Variants in UBA1 observed in about 807,000 individuals in gnomAD.
The protein encoded by UBA1 is ubiquitin like modifier activating enzyme 1.
In UBA1, 4 loss-of-function variants were observed where a neutral mutation model predicts 84.7. The observed-to-expected ratio is 0.05, with a 90% CI of 0.02 to 0.11. The LOEUF (loss-of-function observed/expected upper bound fraction) is 0.11, where lower values mean the gene tolerates loss of function less well. Among genes scored for constraint, UBA1 ranks in the 10% least tolerant of loss-of-function variants. The pLI, the probability that UBA1 is intolerant of heterozygous loss-of-function variation, is 1.00. For missense variants in UBA1, 513 were observed against 902.8 expected, an observed-to-expected ratio of 0.57 and a Z score of 5.53; for synonymous variants, 364 against 362.6, an observed-to-expected ratio of 1.00 and a Z score of -0.04.
At chrX:47,199,845 C>G (rs1300955929) in intron 5 of UBA1, among the ~76,000 whole-genome samples, 1 of 107,472 alleles carries the variant, frequency 9.3e-6, no homozygotes, top group Non-Finnish European at 1.9e-5. Flanking sequence ...TGCAGTGGCG[C>G]GATCTCGGCT....
intron 1 of UBA1, chrX:47,197,199 TGGGC>T (rs1936235992): frequency 1.2e-5 from 9 of 753,879 alleles, no homozygotes; most frequent in Non-Finnish European, 1.4e-5. Flanking sequence ...CCCTGTGGAC[TGGGC>T]CCTGAGCCCA....
Position 47,206,306 on chromosome X carries a change from A to G in UBA1, c.1800A>G (p.Thr600=), listed in dbSNP as rs1233003223. ...GGAAGCCACTGCTGGAGTCAGGCAC[A>G]CTGGGCACCAAAGGCAATGTGCAGG... is the stretch of plus-strand genomic sequence containing the variant. ...YYRKPLLESG[T]LGTKGNVQVV... The change falls in exon 16 of 26, where the codon ACA becomes ACG. Residue 600 remains threonine, a synonymous_variant. Transcript: ENST00000335972. 2 of 1,211,102 alleles carry G rather than the reference A, an allele frequency of 1.7e-6. No individual in the cohort carries two copies. The highest frequency in any genetic ancestry group is 2.2e-6 in the Non-Finnish European group (2 of 895,044).
chrX:47,212,462 A>G lies in UBA1; in HGVS notation c.2503A>G (p.Ser835Gly), dbSNP rs1303389675. The G allele has an allele frequency of 2.5e-6, 3 of 1,209,202 alleles. No individual in the cohort carries two copies. Among genetic ancestry groups the G allele is most frequent in the African/African-American group, 3.5e-5 (2 of 57,023 alleles). ...AGAGGAGCTCAAAGCCACTCTGCCC[A>G]GCCCAGACAAGCTCCCTGGATTCAA... ...RLEELKATLPSPDKLPGFKMY... is the reference protein window; with the variant it reads ...RLEELKATLPGPDKLPGFKMY... The change falls in exon 21 of 26, where the codon AGC becomes GGC. Residue 835 changes from serine to glycine, a missense_variant. By Grantham distance (56) the Ser-to-Gly change is moderately conservative. Transcript: ENST00000335972.
chrX:47,214,252 A>T (rs73630264), intron 23 of UBA1, 75 bp from the exon 24 acceptor site: 1 of 896,622 alleles, frequency 1.1e-6, no homozygotes, highest in African/African-American at 2.0e-5. Flanking sequence ...GCATGGGGGT[A>T]GGGGGGATGG....
At position 47,211,028 on chromosome X, in the gene UBA1, TCTC is replaced by T. The variant is rs1355268884; in HGVS notation, c.2275-5_2275-3del. The T allele has an allele frequency of 4.1e-6, 5 of 1,209,525 alleles. No homozygotes were observed. The highest frequency in any genetic ancestry group is 4.5e-6 in the Non-Finnish European group (4 of 895,040). On this transcript the variant is annotated splice_polypyrimidine_tract_variant and splice_region_variant and intron_variant, in intron 19 of 25. Coordinates refer to ENST00000335972, the MANE Select transcript of UBA1 (RefSeq NM_003334.4). ...GTGCTCACCCTTCCCTGCCCTGCCT[TCTC>T]CTAGCCCCTGCATCTGGACTATGTG...
Position 47,198,472 on chromosome X carries a change from A to G in UBA1, c.1-331A>G. The G allele has an allele frequency of 1.9e-5, 7 of 372,649 alleles. No individual in the cohort carries two copies. The South Asian group carries it at 2.3e-4, about 12-fold the overall frequency. 30.7% of individuals were successfully genotyped at this position (372,649 alleles called of 1,213,427 possible). ...TTGAAACCAGGTCTGTCCTGAATCC[A>G]CATCCTTCCCCTGACCTCGACACAA... is the stretch of plus-strand genomic sequence containing the variant. On this transcript the variant is annotated intron_variant, in intron 1 of 25. Transcript: ENST00000335972.
At chrX:47,205,772 G>A (rs189086365) in intron 14 of UBA1, 176 bp from the exon 15 acceptor site, 1 of 534,215 alleles carries the variant, frequency 1.9e-6, no homozygotes, top group African/African-American at 2.3e-5. Context: ...GAGGATCGCT[G>A]GAGCCTGGGA....
chrX:47,209,231 T>C (rs781959256), intron 16 of UBA1: 120 of 394,869 alleles, frequency 3.0e-4, no homozygotes, highest in Non-Finnish European at 1.3e-4. Flanking sequence ...CTCGGCTCAC[T>C]GCAACCTCCG....
chrX:47,213,901 C>T (rs1556794336), intron 23 of UBA1, among the ~76,000 whole-genome samples: 1 of 110,555 alleles, frequency 9.0e-6, no homozygotes, highest in African/African-American at 3.3e-5. Flanking sequence ...CTTGAGAATA[C>T]CAGGGGGCGA....
intron 1 of UBA1, chrX:47,197,191 C>A (rs1556785765): frequency 1.2e-5 from 9 of 753,960 alleles, no homozygotes; most frequent in Non-Finnish European, 1.4e-5. Context: ...TTCCTTAGCC[C>A]TGTGGACTGG....
chrX:47,201,426 C>A, intron 7 of UBA1, 52 bp from the exon 8 acceptor site: 2 of 1,211,384 alleles, frequency 1.7e-6, no homozygotes, highest in Non-Finnish European at 2.2e-6. Context: ...TCCTTCCTGT[C>A]TGCTCTTGGT....
intron 16 of UBA1, chrX:47,208,639 G>A (rs868975803): frequency 3.2e-5 from 1 of 31,559 alleles, no homozygotes; most frequent in African/African-American, 8.1e-5. Flanking sequence ...TTTTTTTTTT[G>A]AGGTGGAGTT....
At chrX:47,197,351 C>T in intron 1 of UBA1, 4 of 754,944 alleles carry the variant, frequency 5.3e-6, no homozygotes, top group Non-Finnish European at 6.3e-6. Context: ...TTAGACAAAG[C>T]CCTTTCCTCT....
intron 4 of UBA1, 39 bp downstream of exon 4, chrX:47,199,416 C>T (rs782609136): frequency 1.2e-5 from 14 of 1,211,665 alleles, no homozygotes; most frequent in Admixed American, 2.2e-5. Flanking sequence ...TCCCCCTTCC[C>T]GAGGCACCAC....
intron 14 of UBA1, chrX:47,205,468 C>T (rs369738328): frequency 5.8e-6 from 2 of 344,633 alleles, no homozygotes; most frequent in Non-Finnish European, 1.2e-5. Flanking sequence ...ATCATCCTGG[C>T]CATGTGGCAT....
Position 47,212,405 on chromosome X carries a change from T to A in UBA1, c.2465-19T>A, listed in dbSNP as rs1556793746. ...AGCCTGGGATCTAAAGGGCTGACAG[T>A]GTCCCTTTCTTCATGCAGATGACAG... On this transcript the variant is annotated intron_variant, in intron 20 of 25. Coordinates refer to ENST00000335972, the MANE Select transcript of UBA1 (RefSeq NM_003334.4). The A allele has an allele frequency of 8.7e-7, 1 of 1,153,965 alleles. No individual in the cohort carries two copies. The highest frequency in any genetic ancestry group is 1.8e-5 in the South Asian group (1 of 55,416).
intron 14 of UBA1, chrX:47,205,243 C>T (rs1016412086): frequency 2.0e-5 from 5 of 244,874 alleles, no homozygotes; most frequent in African/African-American, 1.4e-4. Context: ...GGATTCTGAG[C>T]AGAGGAGGGA....
At chrX:47,209,158 T>C (rs1248218013) in intron 16 of UBA1, 6 of 277,810 alleles carry the variant, frequency 2.2e-5, no homozygotes, top group Non-Finnish European at 3.2e-5. Context: ...ATCAACTTCA[T>C]TGATTTTTCT....
At chrX:47,211,765 T>C (rs568420207) in intron 20 of UBA1, among the ~76,000 whole-genome samples, 1 of 106,551 alleles carries the variant, frequency 9.4e-6, no homozygotes, top group African/African-American at 3.4e-5. Context: ...TTTACCTTCC[T>C]TATATCTCCC....
Sources: allele counts gnomAD v4.1 joint callset (sites outside exome capture counted in the v4.1 genomes callset), GRCh38; gene constraint gnomAD v4.1.1; transcripts MANE v1.5; gene names NCBI Gene and HGNC (gene_info 2026-07-23, HGNC 2026-07-21).